Variants in FAT3 observed in about 807,000 individuals in gnomAD.
FAT3 encodes the protein FAT atypical cadherin 3, also known as protocadherin Fat 3.
In FAT3, 95 loss-of-function variants were observed where a neutral mutation model predicts 310.2. The observed-to-expected ratio is 0.31, with a 90% confidence interval of 0.26 to 0.36. FAT3 has a LOEUF of 0.36. Among genes scored for constraint, FAT3 ranks in the 10% least tolerant of loss-of-function variants. The pLI is 1.00. For synonymous variants in FAT3, 2,314 were observed against 2,192.9 expected (o/e 1.06, Z -1.54); for missense variants, 5,408 against 5,715.6 (o/e 0.95, Z 1.74).
chr11:92,376,907 G>T (rs943615452), intron 2 of FAT3, among the ~76,000 whole-genome samples: 1 of 152,146 alleles, frequency 6.6e-6, no homozygotes, highest in Non-Finnish European at 1.5e-5. Flanking sequence ...TATTCTAAGA[G>T]CTCACAGGTG....
At chr11:92,465,425 G>C (rs1274168928) in intron 2 of FAT3, among the ~76,000 whole-genome samples, 1 of 152,160 alleles carries the variant, frequency 6.6e-6, no homozygotes, top group East Asian at 1.9e-4. Context: ...CCCACCAACA[G>C]TGTAAAAGTG....
At chr11:92,849,541 C>G (rs760414167) in intron 19 of FAT3, among the ~76,000 whole-genome samples, 30 of 152,178 alleles carry the variant, frequency 2.0e-4, no homozygotes, top group Non-Finnish European at 3.4e-4. Context: ...CCTTTGAATC[C>G]TCTTCCTAGC....
chr11:92,835,684 A>T (rs552917216), intron 15 of FAT3, among the ~76,000 whole-genome samples: 1 of 152,176 alleles, frequency 6.6e-6, no homozygotes, highest in Non-Finnish European at 1.5e-5. Context: ...ACAATTTAAA[A>T]TTATTAGATT....
intron 1 of FAT3, among the ~76,000 whole-genome samples, chr11:92,322,217 T>G (rs142485504): frequency 6.6e-6 from 1 of 152,308 alleles, no homozygotes; most frequent in Non-Finnish European, 1.5e-5. Flanking sequence ...GGTTTCCCAG[T>G]GCATATGAAA....
chr11:92,475,348 T>C (rs973790739), intron 2 of FAT3, among the ~76,000 whole-genome samples: 9 of 152,134 alleles, frequency 5.9e-5, no homozygotes, highest in Non-Finnish European at 1.2e-4. Context: ...ACCATTTTGT[T>C]TGGGCTGTCT....
At chr11:92,767,140 T>C (rs1946333627) in intron 6 of FAT3, among the ~76,000 whole-genome samples, 1 of 150,574 alleles carries the variant, frequency 6.6e-6, no homozygotes, top group African/African-American at 2.5e-5. Flanking sequence ...TCCCAGCTAC[T>C]GGGGAGGCTG....
At chr11:92,320,736 G>A in intron 1 of FAT3, among the ~76,000 whole-genome samples, 1 of 151,998 alleles carries the variant, frequency 6.6e-6, no homozygotes, top group East Asian at 1.9e-4. Flanking sequence ...TGGTCATGGT[G>A]GCACATACCT....
rs146557916 is a variant in FAT3 at position 92,374,972 on chromosome 11, A to G, written c.3292+19568A>G. On this transcript the variant is annotated intron_variant, in intron 2 of 27. Transcript: ENST00000525166. ...TATCTCCCTGGTTTAGAGGAATTCC[A>G]TTCTAGTTGGGAGCATAAAACATTC... Among the ~76,000 whole-genome samples the G allele has an allele frequency of 8.3e-3, 1,259 of 152,294 alleles. 12 individuals carry two copies. Among genetic ancestry groups the G allele is most frequent in the Non-Finnish European group, 0.014 (934 of 68,030 alleles).
chr11:92,453,089 A>G (rs1951403428), intron 2 of FAT3, among the ~76,000 whole-genome samples: 1 of 152,002 alleles, frequency 6.6e-6, no homozygotes, highest in Non-Finnish European at 1.5e-5. Context: ...TCCCTGTTTT[A>G]ATTACTGATT....
intron 3 of FAT3, among the ~76,000 whole-genome samples, chr11:92,627,583 A>G (rs1941384673): frequency 6.6e-6 from 1 of 152,206 alleles, no homozygotes; most frequent in Non-Finnish European, 1.5e-5. Context: ...TATTAATAAT[A>G]AATAAAAGGA....
intron 4 of FAT3, among the ~76,000 whole-genome samples, chr11:92,753,313 T>C (rs935692999): frequency 6.6e-6 from 1 of 152,192 alleles, no homozygotes; most frequent in Non-Finnish European, 1.5e-5. Flanking sequence ...ATCAATTGCA[T>C]GAGAGGCTCC....
intron 6 of FAT3, among the ~76,000 whole-genome samples, chr11:92,770,984 C>A (rs185731453): frequency 6.6e-6 from 1 of 152,096 alleles, no homozygotes; most frequent in Non-Finnish European, 1.5e-5. Context: ...CTGTCTTGAC[C>A]GAAAATGGTC....
chr11:92,869,943 T>C (rs1949344307), intron 22 of FAT3, among the ~76,000 whole-genome samples: 1 of 152,142 alleles, frequency 6.6e-6, no homozygotes, highest in African/African-American at 2.4e-5. Flanking sequence ...CTAGAGATAG[T>C]AGAAGGAGGA....
At chr11:92,230,980 T>A (rs1182561797) in intron 1 of FAT3, among the ~76,000 whole-genome samples, 2 of 152,338 alleles carry the variant, frequency 1.3e-5, no homozygotes, top group East Asian at 3.9e-4. Context: ...CAGGGGGCAG[T>A]GCAGAGCTCC....
intron 3 of FAT3, among the ~76,000 whole-genome samples, chr11:92,636,239 G>A (rs905777930): frequency 1.3e-5 from 2 of 152,166 alleles, no homozygotes; most frequent in African/African-American, 4.8e-5. Context: ...TGGGATTACA[G>A]ATGTGAGCCA....
intron 16 of FAT3, 93 bp from the exon 17 acceptor site, chr11:92,837,570 C>A: frequency 6.8e-7 from 1 of 1,475,072 alleles, no homozygotes; most frequent in Non-Finnish European, 9.2e-7. Flanking sequence ...TGCTCTTTAA[C>A]AAAGCACAGC....
chr11:92,301,549 T>C (rs79612388), intron 1 of FAT3, among the ~76,000 whole-genome samples: 3,319 of 152,184 alleles, frequency 0.022, 133 homozygotes, highest in African/African-American at 0.075. Context: ...TTCTATGTTG[T>C]CTGGGGAATG....
intron 3 of FAT3, among the ~76,000 whole-genome samples, chr11:92,683,600 CAT>C (rs1219097966): frequency 6.6e-6 from 1 of 152,190 alleles, no homozygotes; most frequent in Non-Finnish European, 1.5e-5. Context: ...CCTCTAACCA[CAT>C]GTCTCTATTT....
In FAT3 at chr11:92,866,972, G is replaced by A. The variant is rs115948782; in HGVS notation, c.11890G>A (p.Ala3964Thr). 1,198 of 1,612,756 alleles carry A rather than the reference G, an allele frequency of 7.4e-4. 6 individuals carry two copies. In the African/African-American group the frequency reaches 0.014, roughly 19 times the overall value. The stretch of plus-strand genomic sequence containing the variant: ...CATCTACTTCGGCGCCCTGGTGCAA[G>A]CGGATAACATCCGCAGCCTGACTGA... The part of the protein sequence containing the change: ...SSIYFGALVQ[A>T]DNIRSLTDTR... The change falls in exon 22 of 28, where the codon GCG becomes ACG. Residue 3964 changes from alanine (A) to threonine (T), a missense_variant. By Grantham distance (58) the Ala-to-Thr change is moderately conservative (BLOSUM62 0). Around this residue, in one of 5 missense-constraint regions of FAT3, gnomAD observed 4,588 missense variants for 4,809.8 expected, o/e 0.95. Coordinates refer to ENST00000525166, the MANE Select transcript of FAT3 (RefSeq NM_001367949.2).
Sources: gnomAD v4.1 joint callset for allele counts (sites outside exome capture counted in the v4.1 genomes callset) on GRCh38, gnomAD v4.1.1 for gene constraint, gnomAD v4.1.1 regional missense constraint, MANE v1.5 for transcripts, NCBI Gene and HGNC (gene_info 2026-07-23, HGNC 2026-07-21) for gene names.